Variants in NLGN1 observed in about 807,000 individuals in gnomAD.
NLGN1 encodes neuroligin-1.
Under a neutral mutation model 65.5 loss-of-function variants are expected in NLGN1, and 12 were observed. The observed-to-expected ratio is 0.18, with a 90% CI of 0.12 to 0.30. NLGN1 has a LOEUF of 0.30. NLGN1 is among the 10% of genes least tolerant of loss of function. The probability of loss-of-function intolerance (pLI) is 1.00; values close to 1 mark genes in which losing one functional copy is unlikely to be tolerated. For missense variants in NLGN1, 750 were observed against 1,007.1 expected, an observed-to-expected ratio of 0.74 and a Z score of 3.46; for synonymous variants, 350 against 359.5, an observed-to-expected ratio of 0.97 and a Z score of 0.30.
At chr3:173,399,520 A>G (rs1717258572) in intron 1 of NLGN1, 1 of 152,174 alleles carries the variant, frequency 6.6e-6, no homozygotes, top group African/African-American at 2.4e-5. Context: ...AATGGCTTTG[A>G]AGTTGAAGGT....
chr3:173,451,212 T>A (rs1425139824), intron 2 of NLGN1, among the ~76,000 whole-genome samples: 2 of 152,232 alleles, frequency 1.3e-5, no homozygotes, highest in African/African-American at 2.4e-5. Flanking sequence ...TGGTCTTTGA[T>A]GATCGTGACG....
At chr3:173,965,519 A>T (rs1714640280) in intron 4 of NLGN1, among the ~76,000 whole-genome samples, 1 of 146,506 alleles carries the variant, frequency 6.8e-6, no homozygotes, top group Non-Finnish European at 1.5e-5. Flanking sequence ...GAATTTCACC[A>T]TGCTGGCCAG....
chr3:174,239,278 A>G (rs974274715), intron 4 of NLGN1, among the ~76,000 whole-genome samples: 3 of 152,080 alleles, frequency 2.0e-5, no homozygotes, highest in Non-Finnish European at 2.9e-5. Flanking sequence ...CATGTTGGCC[A>G]AGCTGGTCTC....
At chr3:173,941,175 C>G (rs370530137) in intron 4 of NLGN1, among the ~76,000 whole-genome samples, 2 of 152,032 alleles carry the variant, frequency 1.3e-5, no homozygotes, top group African/African-American at 4.8e-5. Context: ...ATCCGAAGAT[C>G]ATAGTACAGA....
At chr3:174,067,199 G>A (rs989121314) in intron 4 of NLGN1, among the ~76,000 whole-genome samples, 3 of 151,998 alleles carry the variant, frequency 2.0e-5, no homozygotes, top group African/African-American at 4.8e-5. Flanking sequence ...TTTTTCTTCC[G>A]TTGCTGAGAG....
chr3:173,450,732 C>A (rs581204), intron 2 of NLGN1, among the ~76,000 whole-genome samples: 15,533 of 152,232 alleles, frequency 0.1, 877 homozygotes, highest in Admixed American at 0.14. Flanking sequence ...TTCACATAGT[C>A]CCGTATTTCT....
At chr3:173,479,890 G>A (rs1018239061) in intron 2 of NLGN1, among the ~76,000 whole-genome samples, 7 of 152,060 alleles carry the variant, frequency 4.6e-5, no homozygotes, top group Middle Eastern at 3.2e-3. Flanking sequence ...TTTTTGTAGA[G>A]TTGTAAAGTA....
intron 4 of NLGN1, among the ~76,000 whole-genome samples, chr3:174,169,605 G>C (rs1374516290): frequency 1.3e-5 from 2 of 152,166 alleles, no homozygotes; most frequent in Non-Finnish European, 2.9e-5. Flanking sequence ...AGGCAAGCAA[G>C]TGCTCCAGAT....
chr3:174,218,077 G>T (rs773479046), intron 4 of NLGN1, among the ~76,000 whole-genome samples: 18 of 151,978 alleles, frequency 1.2e-4, no homozygotes, highest in Non-Finnish European at 1.8e-4. Context: ...GCTTTTTCAT[G>T]GGAAAAATTA....
rs182975931 is a variant in NLGN1 at position 174,001,665 on chromosome 3, A to G, written c.646+193833A>G. 3.9e-3 allele frequency among the ~76,000 whole-genome samples: 594 copies of G among 152,296 alleles called. 4 individuals are homozygous for G. The highest frequency in any genetic ancestry group is 6.2e-3 in the Non-Finnish European group (419 of 68,024). ...ATAGAGTAATATGTACCTCATTACT[A>G]TATTTTGAGGATTAAATAAAACAGA... On this transcript the variant is annotated intron_variant, in intron 4 of 6. Transcript: ENST00000457714.
chr3:173,476,961 TGATTAA>T (rs912355000), intron 2 of NLGN1, among the ~76,000 whole-genome samples: 4 of 152,058 alleles, frequency 2.6e-5, no homozygotes, highest in African/African-American at 7.2e-5. Flanking sequence ...ATGGCGACAC[TGATTAA>T]GATAAAGAAG....
chr3:173,497,582 AT>A (rs1003945818), intron 2 of NLGN1, among the ~76,000 whole-genome samples: 60 of 151,830 alleles, frequency 4.0e-4, no homozygotes, highest in Non-Finnish European at 1.5e-5. Context: ...CTTTAAAAAA[AT>A]AACAAAATAA....
intron 4 of NLGN1, among the ~76,000 whole-genome samples, chr3:173,893,981 T>C (rs1484404064): frequency 6.6e-6 from 1 of 152,168 alleles, no homozygotes; most frequent in Admixed American, 6.5e-5. Flanking sequence ...CTAACTGAAA[T>C]GTCCTGCCAG....
chr3:173,541,809 C>T (rs1389359745), intron 2 of NLGN1, among the ~76,000 whole-genome samples: 1 of 152,036 alleles, frequency 6.6e-6, no homozygotes. Flanking sequence ...TTTACTTCAT[C>T]GGTGACCTAT....
At chr3:174,119,616 A>T (rs1253089974) in intron 4 of NLGN1, among the ~76,000 whole-genome samples, 5 of 152,190 alleles carry the variant, frequency 3.3e-5, no homozygotes, top group African/African-American at 1.2e-4. Context: ...CTGCTCCAAA[A>T]CAAGAGTTTC....
chr3:174,066,766 G>A (rs1738702216), intron 4 of NLGN1, among the ~76,000 whole-genome samples: 1 of 151,952 alleles, frequency 6.6e-6, no homozygotes, highest in African/African-American at 2.4e-5. Context: ...GTGTGATTTG[G>A]CAGGACCTTA....
intron 4 of NLGN1, among the ~76,000 whole-genome samples, chr3:174,047,459 T>C (rs1165885845): frequency 6.6e-6 from 1 of 152,032 alleles, no homozygotes; most frequent in Non-Finnish European, 1.5e-5. Flanking sequence ...AACATCCAAA[T>C]CCATTACTGA....
At chr3:173,768,942 A>AT (rs1035624197) in intron 3 of NLGN1, among the ~76,000 whole-genome samples, 3 of 151,772 alleles carry the variant, frequency 2.0e-5, no homozygotes, top group Non-Finnish European at 4.4e-5. Flanking sequence ...ACACCCAGCA[A>AT]TTGTTTTTAT....
intron 3 of NLGN1, among the ~76,000 whole-genome samples, chr3:173,651,775 A>G (rs186898677): frequency 1.5e-4 from 22 of 151,198 alleles, no homozygotes; most frequent in Non-Finnish European, 2.5e-4. Flanking sequence ...AAAAATGTCT[A>G]CTCATGTTCT....
Sources: gnomAD v4.1 joint callset for allele counts (sites outside exome capture counted in the v4.1 genomes callset) on GRCh38, gnomAD v4.1.1 for gene constraint, MANE v1.5 for transcripts, NCBI Gene and HGNC (gene_info 2026-07-23, HGNC 2026-07-21) for gene names.